The following IL1RAPL1 variants were observed in gnomAD, a reference collection of about 807,000 sequenced individuals.
IL1RAPL1 encodes the protein interleukin 1 receptor accessory protein like 1.
A neutral mutation model predicts 48.4 loss-of-function variants in IL1RAPL1; 3 were observed. The ratio of observed to expected loss-of-function variants is 0.06; its 90% CI spans 0.03 to 0.16. IL1RAPL1 has a LOEUF of 0.16. IL1RAPL1 is among the 10% of genes least tolerant of loss of function. IL1RAPL1 has a pLI of 1.00. For missense variants in IL1RAPL1, 349 were observed against 530.6 expected, an observed-to-expected ratio of 0.66 and a Z score of 3.36; for synonymous variants, 185 against 187.7, an observed-to-expected ratio of 0.99 and a Z score of 0.12.
chrX:29,177,096 G>A (rs935279291), intron 2 of IL1RAPL1, among the ~76,000 whole-genome samples: 2 of 111,141 alleles, frequency 1.8e-5, no homozygotes, highest in Non-Finnish European at 3.8e-5. Flanking sequence ...TCCTATAAAG[G>A]GAGATGACTG....
At position 29,621,720 on chromosome X, in the gene IL1RAPL1, A is replaced by G. The variant is rs774936225; in HGVS notation, c.704-46710A>G. On this transcript the variant is annotated intron_variant, in intron 5 of 10. Coordinates refer to ENST00000378993, the MANE Select transcript of IL1RAPL1 (RefSeq NM_014271.4). ...TCATATAATTTGTAAAGATAAAATT[A>G]GCATAATTGGAATATCTGTCACCTT... is the stretch of plus-strand genomic sequence containing the variant. 3.6e-5 allele frequency among the ~76,000 whole-genome samples: 4 copies of G among 112,144 alleles called. No individual in the cohort carries two copies. In the South Asian group the frequency reaches 1.5e-3, roughly 41 times the overall value.
chrX:28,825,380 G>T (rs901396246), intron 2 of IL1RAPL1, among the ~76,000 whole-genome samples: 2 of 111,099 alleles, frequency 1.8e-5, no homozygotes, highest in Non-Finnish European at 3.8e-5. Context: ...TTTAAAGATG[G>T]TTCATATAAT....
chrX:29,474,808 C>T (rs1261999739), intron 5 of IL1RAPL1, among the ~76,000 whole-genome samples: 1 of 111,508 alleles, frequency 9.0e-6, no homozygotes, highest in African/African-American at 3.3e-5. Context: ...CCACCTCCAA[C>T]ACTGGGAATT....
At chrX:28,758,752 TG>T (rs1445570929) in intron 1 of IL1RAPL1, among the ~76,000 whole-genome samples, 1 of 111,874 alleles carries the variant, frequency 8.9e-6, no homozygotes, top group African/African-American at 3.3e-5. Flanking sequence ...TTAAAAAAAT[TG>T]TATCTTCCTT....
At chrX:28,681,995 C>T (rs1178487350) in intron 1 of IL1RAPL1, among the ~76,000 whole-genome samples, 1 of 111,766 alleles carries the variant, frequency 8.9e-6, no homozygotes, top group Non-Finnish European at 1.9e-5. Flanking sequence ...TGCTTTCCGT[C>T]TCTATGGTTT....
At chrX:29,679,665 A>G (rs1459252289) in intron 6 of IL1RAPL1, among the ~76,000 whole-genome samples, 1 of 112,316 alleles carries the variant, frequency 8.9e-6, no homozygotes, top group African/African-American at 3.2e-5. Flanking sequence ...CCCTGTCTCT[A>G]TTTACCATAA....
intron 5 of IL1RAPL1, among the ~76,000 whole-genome samples, chrX:29,582,294 A>T (rs5927830): frequency 0.3 from 33,674 of 110,754 alleles, 3,769 homozygotes; most frequent in South Asian, 0.47. Context: ...TCAATTAATT[A>T]ATTAATTTTT....
intron 1 of IL1RAPL1, among the ~76,000 whole-genome samples, chrX:28,751,451 A>G (rs1428516213): frequency 8.9e-6 from 1 of 111,833 alleles, no homozygotes; most frequent in East Asian, 2.8e-4. Flanking sequence ...TCCAAATATT[A>G]TGGTTTCTAG....
At chrX:29,430,910 A>G (rs1934414814) in intron 5 of IL1RAPL1, among the ~76,000 whole-genome samples, 1 of 110,912 alleles carries the variant, frequency 9.0e-6, no homozygotes, top group Non-Finnish European at 1.9e-5. Flanking sequence ...TAAAGATAAC[A>G]TCCCCCAAAT....
intron 5 of IL1RAPL1, among the ~76,000 whole-genome samples, chrX:29,513,653 T>C (rs1192917904): frequency 1.8e-5 from 2 of 112,168 alleles, no homozygotes; most frequent in Admixed American, 1.9e-4. Context: ...CTAGCTAGAA[T>C]AAGATGGAAA....
At chrX:29,342,231 A>T (rs1048097751) in intron 3 of IL1RAPL1, among the ~76,000 whole-genome samples, 16 of 110,278 alleles carry the variant, frequency 1.5e-4, no homozygotes, top group Admixed American at 1.3e-3. Context: ...GTTAATTGGG[A>T]CTTAAAACCA....
At chrX:29,911,337 G>C (rs927314133) in intron 6 of IL1RAPL1, among the ~76,000 whole-genome samples, 2 of 111,673 alleles carry the variant, frequency 1.8e-5, no homozygotes, top group African/African-American at 6.5e-5. Flanking sequence ...AAAATGGGGA[G>C]TGGCTGCCAC....
intron 1 of IL1RAPL1, among the ~76,000 whole-genome samples, chrX:28,657,983 G>C (rs1934768340): frequency 8.9e-6 from 1 of 112,113 alleles, no homozygotes; most frequent in Non-Finnish European, 1.9e-5. Flanking sequence ...AGGCGGTAGT[G>C]TATTTTGCCT....
intron 6 of IL1RAPL1, among the ~76,000 whole-genome samples, chrX:29,865,424 G>A (rs5973214): frequency 0.084 from 9,343 of 110,945 alleles, 970 homozygotes; most frequent in African/African-American, 0.29. Context: ...AGTTGTGTAC[G>A]TGAATGATAC....
intron 6 of IL1RAPL1, among the ~76,000 whole-genome samples, chrX:29,888,889 G>T (rs1932220435): frequency 9.0e-6 from 1 of 111,451 alleles, no homozygotes; most frequent in Admixed American, 9.5e-5. Flanking sequence ...AGTAAATAAA[G>T]GTGTCTATGT....
chrX:28,715,503 A>T (rs1935493888), intron 1 of IL1RAPL1, among the ~76,000 whole-genome samples: 1 of 111,401 alleles, frequency 9.0e-6, no homozygotes, highest in Admixed American at 9.6e-5. Context: ...AACCAAGAGA[A>T]AAATCAAGCC....
intron 5 of IL1RAPL1, among the ~76,000 whole-genome samples, chrX:29,479,586 C>T (rs1935016153): frequency 1.8e-5 from 2 of 108,385 alleles, no homozygotes; most frequent in African/African-American, 6.8e-5. Context: ...GGATTAGTTC[C>T]ATAGTGGTGA....
chrX:28,685,417 A>G (rs909219680), intron 1 of IL1RAPL1, among the ~76,000 whole-genome samples: 6 of 112,738 alleles, frequency 5.3e-5, no homozygotes, highest in African/African-American at 6.4e-5. Context: ...CTGGGATTTT[A>G]TAGGTAAAGT....
intron 2 of IL1RAPL1, among the ~76,000 whole-genome samples, chrX:29,272,978 A>G (rs1932065717): frequency 9.0e-6 from 1 of 111,656 alleles, no homozygotes; most frequent in African/African-American, 3.3e-5. Flanking sequence ...TTTCAGCTCT[A>G]TCTGATCAGT....
Sources: gnomAD v4.1 joint callset for allele counts (sites outside exome capture counted in the v4.1 genomes callset) on GRCh38, gnomAD v4.1.1 for gene constraint, MANE v1.5 for transcripts, NCBI Gene and HGNC (gene_info 2026-07-23, HGNC 2026-07-21) for gene names.